The following CNDP1 variants were observed in gnomAD, a reference collection of about 807,000 sequenced individuals.
The protein encoded by CNDP1 is beta-Ala-His dipeptidase.
Under a neutral mutation model 58.1 loss-of-function variants are expected in CNDP1, and 44 were observed. The observed-to-expected ratio is 0.76, with a 90% CI of 0.60 to 0.97. The LOEUF (loss-of-function observed/expected upper bound fraction) is 0.97, where lower values mean the gene tolerates loss of function less well. CNDP1 is among the 50% of genes least tolerant of loss of function. The pLI is 0.00. For missense variants in CNDP1, 616 were observed against 655.1 expected, an observed-to-expected ratio of 0.94 and a Z score of 0.65; for synonymous variants, 254 against 252.6, an observed-to-expected ratio of 1.01 and a Z score of -0.05.
rs150140515 is a variant in CNDP1, at chr18:74,542,038, T to C, written c.24+7347T>C. ...AGGGGTCCCCTGTGCCTTCTAGGAC[T>C]AGCTCCAGTGCCCTGGGATCCCAGA... On this transcript the variant is annotated intron_variant, in intron 1 of 11. Transcript: ENST00000358821. Among the ~76,000 whole-genome samples, 698 of 152,286 alleles carry C rather than the reference T, an allele frequency of 4.6e-3. 8 individuals are homozygous for C. Among genetic ancestry groups the C allele is most frequent in the African/African-American group, 0.016 (654 of 41,560 alleles).
At chr18:74,581,141 G>A (rs1008037091) in intron 10 of CNDP1, among the ~76,000 whole-genome samples, 6 of 151,714 alleles carry the variant, frequency 4.0e-5, no homozygotes, top group African/African-American at 1.5e-4. Flanking sequence ...TAATGGCCTT[G>A]GGCCAGAGTG....
intron 1 of CNDP1, among the ~76,000 whole-genome samples, chr18:74,542,089 G>A (rs1338119046): frequency 6.6e-6 from 1 of 152,196 alleles, no homozygotes; most frequent in Non-Finnish European, 1.5e-5. Flanking sequence ...GGAGAAACGC[G>A]TTTGCATGTT....
At chr18:74,538,214 A>G (rs1980531071) in intron 1 of CNDP1, among the ~76,000 whole-genome samples, 1 of 152,170 alleles carries the variant, frequency 6.6e-6, no homozygotes, top group African/African-American at 2.4e-5. Context: ...CCTTATCCTT[A>G]AACAACTACT....
chr18:74,546,959 C>T (rs781745884), intron 1 of CNDP1, among the ~76,000 whole-genome samples: 11 of 152,182 alleles, frequency 7.2e-5, no homozygotes, highest in Non-Finnish European at 1.5e-4. Context: ...ACTCACAGTT[C>T]TTGAGACTTT....
At chr18:74,543,136 G>C (rs1980666855) in intron 1 of CNDP1, among the ~76,000 whole-genome samples, 1 of 152,202 alleles carries the variant, frequency 6.6e-6, no homozygotes, top group Admixed American at 6.5e-5. Flanking sequence ...ACAAATGAAA[G>C]ACTAACACCC....
intron 1 of CNDP1, among the ~76,000 whole-genome samples, chr18:74,554,094 G>T (rs1020164322): frequency 3.9e-5 from 6 of 152,216 alleles, no homozygotes; most frequent in African/African-American, 1.2e-4. Flanking sequence ...TGAACTTGGT[G>T]TTGGCCCTCC....
In CNDP1 at chr18:74,567,546, C is replaced by G. The variant is rs1249705599; in HGVS notation, c.756+113C>G. The G allele has an allele frequency of 3.2e-6, 3 of 946,502 alleles. No homozygotes were observed. The African/African-American group carries it at 4.9e-5, about 15-fold the overall frequency. 58.6% of individuals were successfully genotyped at this position (946,502 alleles called of 1,614,324 possible). On this transcript the variant is annotated intron_variant, in intron 6 of 11. Coordinates refer to ENST00000358821, the MANE Select transcript of CNDP1 (RefSeq NM_032649.6). Reference sequence around the variant, plus strand: ...AAGAAAGCTTTCCTGAGGGCAGAGGCCTTACCTGGGACACACGGCCTCAGG... The same window carrying G: ...AAGAAAGCTTTCCTGAGGGCAGAGGGCTTACCTGGGACACACGGCCTCAGG...
intron 1 of CNDP1, among the ~76,000 whole-genome samples, chr18:74,549,189 A>G (rs901203878): frequency 2.0e-5 from 3 of 152,200 alleles, no homozygotes; most frequent in Non-Finnish European, 4.4e-5. Flanking sequence ...ACATCATTCT[A>G]TTTATGGCAT....
At chr18:74,547,321 T>G (rs1376148512) in intron 1 of CNDP1, among the ~76,000 whole-genome samples, 2 of 152,184 alleles carry the variant, frequency 1.3e-5, no homozygotes, top group African/African-American at 4.8e-5. Context: ...TGACTGACGG[T>G]CACTGAGGTT....
intron 1 of CNDP1, among the ~76,000 whole-genome samples, chr18:74,544,717 CA>C (rs10562152): frequency 0.17 from 10,592 of 63,408 alleles, 296 homozygotes; most frequent in African/African-American, 0.26. Flanking sequence ...GGTTCTGTCT[CA>C]AAAAAAAAAA....
chr18:74,562,062 G>A lies in CNDP1; in HGVS notation c.482G>A (p.Arg161Gln), dbSNP rs142662230. The change falls in exon 5 of 12, where the codon CGA becomes CAA. Residue 161 changes from arginine (R) to glutamine (Q), a missense_variant. Arg to Gln is a conservative substitution (Grantham distance 43). Transcript: ENST00000358821. ...LTEVDGKLYGRGATDNKGPVL... is the reference protein window; with the variant it reads ...LTEVDGKLYGQGATDNKGPVL... Reference sequence around the variant, plus strand: ...CTTTTTAAAGGGAAACTTTATGGACGAGGAGCGACCGACAACAAAGGCCCT... The same window carrying A: ...CTTTTTAAAGGGAAACTTTATGGACAAGGAGCGACCGACAACAAAGGCCCT... 9 of 1,613,870 alleles carry A rather than the reference G, an allele frequency of 5.6e-6. 1 individual carries two copies. The South Asian group carries it at 6.6e-5, about 12-fold the overall frequency.
chr18:74,554,361 T>C (rs1420015219), intron 1 of CNDP1, among the ~76,000 whole-genome samples: 1 of 152,196 alleles, frequency 6.6e-6, no homozygotes, highest in African/African-American at 2.4e-5. Flanking sequence ...ATGGGATGGA[T>C]TGACCCCAGG....
Position 74,578,184 on chromosome 18 carries a change from T to G in CNDP1, c.1024T>G (p.Trp342Gly), listed in dbSNP as rs1568300591. Residue 342 changes from tryptophan (W) to glycine (G), a missense_variant, in exon 9 of 12, where the codon TGG becomes GGG. Transcript: ENST00000358821. Reference protein sequence around the residue: ...DTKEEILMHLWRYPSLSIHGI... With the variant: ...DTKEEILMHLGRYPSLSIHGI... ...ATAGGAGGAGATTCTAATGCACCTC[T>G]GGAGGTACCCATCTCTTTCTATTCA... is the stretch of plus-strand genomic sequence containing the variant. 2 of 1,613,768 alleles carry G rather than the reference T, an allele frequency of 1.2e-6. No homozygotes were observed. The highest frequency in any genetic ancestry group is 1.7e-6 in the Non-Finnish European group (2 of 1,179,908).
intron 7 of CNDP1, among the ~76,000 whole-genome samples, chr18:74,575,816 T>G (rs886101941): frequency 6.7e-6 from 1 of 148,282 alleles, no homozygotes; most frequent in Non-Finnish European, 1.5e-5. Flanking sequence ...TATGTATGTA[T>G]GTAGGTGTGT....
chr18:74,583,650 C>T lies in CNDP1; in HGVS notation c.1399C>T (p.Leu467=). 1 of 1,614,120 alleles carries T rather than the reference C, an allele frequency of 6.2e-7. No homozygotes were observed. Among genetic ancestry groups the T allele is most frequent in the Non-Finnish European group, 8.5e-7 (1 of 1,179,972 alleles). The change falls in exon 11 of 12, where the codon CTA becomes TTA. Residue 467 remains leucine (L), a synonymous_variant. Coordinates refer to ENST00000358821, the MANE Select transcript of CNDP1 (RefSeq NM_032649.6). The part of the protein sequence containing the change: ...FQEIVHKSVV[L]IPLGAVDDGE... ...GGAGATCGTCCACAAGAGCGTGGTG[C>T]TAATTCCGCTGGGAGCTGTTGATGA...
intron 5 of CNDP1, among the ~76,000 whole-genome samples, chr18:74,565,230 GC>G (rs1475211845): frequency 6.6e-6 from 1 of 152,200 alleles, no homozygotes; most frequent in Non-Finnish European, 1.5e-5. Context: ...AATTCTGGGA[GC>G]TACAGTTCAA....
rs56269857 is a variant in CNDP1, at chr18:74,581,218, CTGTGTGTGTGTG to C, written c.1309+981_1309+992del. 1.2e-3 allele frequency among the ~76,000 whole-genome samples: 171 copies of C among 138,504 alleles called. 1 individual carries two copies. The highest frequency in any genetic ancestry group is 3.2e-3 in the African/African-American group (116 of 36,422). 90.9% of individuals were successfully genotyped at this position (138,504 alleles called of 152,430 possible). A position where few individuals can be genotyped will look rare whatever the true frequency, so the allele number is the denominator to read the frequency against. ...GCATCCCCGGAGAGCCACACCTATC[CTGTGTGTGTGTG>C]TGTGTGTGTGTGTGTGTGTGTGTGT... On this transcript the variant is annotated intron_variant, in intron 10 of 11. Transcript: ENST00000358821.
At chr18:74,584,147 A>T in intron 11 of CNDP1, 2 of 330,418 alleles carry the variant, frequency 6.1e-6, no homozygotes, top group Non-Finnish European at 1.1e-5. Context: ...GCTATTAGGA[A>T]TGTTTGCTTT....
At chr18:74,537,359 T>C (rs747780200) in intron 1 of CNDP1, among the ~76,000 whole-genome samples, 5 of 152,236 alleles carry the variant, frequency 3.3e-5, no homozygotes, top group Admixed American at 6.5e-5. Context: ...ATATGGCTAA[T>C]GGCTAGCCAG....
Sources: allele counts gnomAD v4.1 joint callset (sites outside exome capture counted in the v4.1 genomes callset), GRCh38; gene constraint gnomAD v4.1.1; transcripts MANE v1.5; gene names NCBI Gene and HGNC (gene_info 2026-07-23, HGNC 2026-07-21).